MACROD2: variants seen among roughly 807,000 people sequenced by gnomAD.
MACROD2 encodes ADP-ribose glycohydrolase MACROD2.
MACROD2 carries 36 observed loss-of-function variants against 70.4 expected under a neutral mutation model. That is an observed-to-expected ratio of 0.51 (90% CI 0.39 to 0.68). The LOEUF is 0.68. Ranked by LOEUF, MACROD2 falls within the 30% of genes least tolerant of loss-of-function variation. The pLI is 0.00. For synonymous variants in MACROD2, 172 were observed against 178.8 expected (o/e 0.96, Z 0.30); for missense variants, 496 against 538.4 (o/e 0.92, Z 0.78).
chr20:14,814,693 T>C (rs766023800), intron 5 of MACROD2, among the ~76,000 whole-genome samples: 177 of 152,102 alleles, frequency 1.2e-3, no homozygotes, highest in Non-Finnish European at 1.9e-3. Context: ...ATGTTCCAGG[T>C]ACATGGCTAA....
intron 3 of MACROD2, among the ~76,000 whole-genome samples, chr20:14,465,569 T>C (rs1568624773): frequency 1.3e-5 from 2 of 152,102 alleles, no homozygotes; most frequent in Non-Finnish European, 2.9e-5. Flanking sequence ...AATTTGATCC[T>C]GTCATTATGA....
chr20:14,479,277 C>T (rs2084634596), intron 3 of MACROD2, among the ~76,000 whole-genome samples: 1 of 152,096 alleles, frequency 6.6e-6, no homozygotes, highest in African/African-American at 2.4e-5. Flanking sequence ...CGTAGATCAT[C>T]CTGGCAGGTG....
At chr20:15,653,262 A>T (rs1191303639) in intron 8 of MACROD2, among the ~76,000 whole-genome samples, 1 of 152,198 alleles carries the variant, frequency 6.6e-6, no homozygotes, top group Admixed American at 6.5e-5. Context: ...TCAATAAATA[A>T]TTTTTGGTCA....
chr20:14,650,817 G>T (rs1368082583), intron 4 of MACROD2, among the ~76,000 whole-genome samples: 1 of 152,168 alleles, frequency 6.6e-6, no homozygotes, highest in African/African-American at 2.4e-5. Context: ...GTTGCCAGAA[G>T]CAGTTCTGAG....
At chr20:14,367,676 C>A (rs573648806) in intron 3 of MACROD2, among the ~76,000 whole-genome samples, 1 of 152,162 alleles carries the variant, frequency 6.6e-6, no homozygotes, top group Non-Finnish European at 1.5e-5. Context: ...ATTGCTTCTC[C>A]TTGGCTGCTT....
At chr20:14,386,588 TTTTCTCTCTC>T (rs1239525466) in intron 3 of MACROD2, among the ~76,000 whole-genome samples, 1 of 150,600 alleles carries the variant, frequency 6.6e-6, no homozygotes, top group Non-Finnish European at 1.5e-5. Context: ...GTGGCACCTC[TTTTCTCTCTC>T]TTTCTCTCTC....
At chr20:15,052,292 G>A (rs977070343) in intron 5 of MACROD2, among the ~76,000 whole-genome samples, 1 of 152,072 alleles carries the variant, frequency 6.6e-6, no homozygotes, top group Non-Finnish European at 1.5e-5. Flanking sequence ...GCATATACAG[G>A]CATCGCTTGT....
chr20:16,017,708 C>T (rs2066948010), intron 15 of MACROD2, among the ~76,000 whole-genome samples: 1 of 152,198 alleles, frequency 6.6e-6, no homozygotes, highest in Non-Finnish European at 1.5e-5. Flanking sequence ...ATAGTTGACT[C>T]CTCAGAGTAC....
chr20:14,525,217 C>T (rs1600340470), intron 4 of MACROD2, among the ~76,000 whole-genome samples: 1 of 152,202 alleles, frequency 6.6e-6, no homozygotes, highest in East Asian at 1.9e-4. Context: ...TATTTCCATA[C>T]AAAAATCTGA....
chr20:14,258,653 G>A (rs532523548), intron 3 of MACROD2, among the ~76,000 whole-genome samples: 1 of 151,964 alleles, frequency 6.6e-6, no homozygotes, highest in African/African-American at 2.4e-5. Context: ...TTCTCCCATT[G>A]TGTGGGTTGT....
chr20:14,488,331 C>A (rs939549432), intron 3 of MACROD2, among the ~76,000 whole-genome samples: 4 of 152,082 alleles, frequency 2.6e-5, no homozygotes, highest in Non-Finnish European at 5.9e-5. Flanking sequence ...TGTAACTGAG[C>A]CAGTATTATC....
intron 5 of MACROD2, among the ~76,000 whole-genome samples, chr20:14,719,195 C>T (rs933842636): frequency 2.6e-5 from 4 of 151,852 alleles, no homozygotes; most frequent in Admixed American, 2.6e-4. Context: ...CGCGCCACTG[C>T]ACTCCAGCCT....
intron 5 of MACROD2, among the ~76,000 whole-genome samples, chr20:15,096,911 A>G (rs1197519775): frequency 6.7e-6 from 1 of 149,346 alleles, no homozygotes; most frequent in African/African-American, 2.5e-5. Flanking sequence ...TCCTGGGTTC[A>G]AGCAATTATC....
chr20:16,046,826 G>A (rs538127634), intron 17 of MACROD2, among the ~76,000 whole-genome samples: 14 of 151,438 alleles, frequency 9.2e-5, no homozygotes, highest in Non-Finnish European at 1.9e-4. Context: ...GATTACAGTC[G>A]CGTACCACCA....
chr20:15,434,942 G>A (rs556055483), intron 7 of MACROD2, among the ~76,000 whole-genome samples: 2 of 152,248 alleles, frequency 1.3e-5, no homozygotes, highest in South Asian at 2.1e-4. Flanking sequence ...AGTATTGTAT[G>A]TTCTCACTTT....
chr20:15,585,475 C>T (rs376293164), intron 8 of MACROD2, among the ~76,000 whole-genome samples: 10 of 152,108 alleles, frequency 6.6e-5, no homozygotes, highest in Non-Finnish European at 8.8e-5. Flanking sequence ...GGATTAGAGG[C>T]GTGAGCCACC....
chr20:15,574,307 A>T (rs1221131465), intron 8 of MACROD2, among the ~76,000 whole-genome samples: 1 of 152,132 alleles, frequency 6.6e-6, no homozygotes, highest in Non-Finnish European at 1.5e-5. Flanking sequence ...TAAAAAACAT[A>T]ATTCCAAGAA....
intron 5 of MACROD2, among the ~76,000 whole-genome samples, chr20:15,039,578 A>G (rs2075339679): frequency 6.6e-6 from 1 of 152,156 alleles, no homozygotes; most frequent in African/African-American, 2.4e-5. Context: ...ATGAGCCCTG[A>G]CATCACTTAA....
intron 5 of MACROD2, among the ~76,000 whole-genome samples, chr20:14,706,793 C>T (rs867517592): frequency 2.6e-5 from 4 of 152,182 alleles, no homozygotes; most frequent in Non-Finnish European, 4.4e-5. Context: ...CAAGCACCGC[C>T]GAGACTGAAG....
Sources: gnomAD v4.1 joint callset for allele counts (sites outside exome capture counted in the v4.1 genomes callset) on GRCh38, gnomAD v4.1.1 for gene constraint, MANE v1.5 for transcripts, NCBI Gene and HGNC (gene_info 2026-07-23, HGNC 2026-07-21) for gene names.